The following MTHFS variants were observed in gnomAD, a reference collection of about 807,000 sequenced individuals.
The protein encoded by MTHFS is 5-formyltetrahydrofolate cyclo-ligase.
A neutral mutation model predicts 12.7 loss-of-function variants in MTHFS; 7 were observed. That is an observed-to-expected ratio of 0.55 (90% CI 0.31 to 1.03). MTHFS has a LOEUF of 1.03. MTHFS is among the 50% of genes least tolerant of loss of function. The pLI, the probability that MTHFS is intolerant of heterozygous loss-of-function variation, is 0.05. For missense variants in MTHFS, 252 were observed against 258.1 expected, an observed-to-expected ratio of 0.98 and a Z score of 0.16; for synonymous variants, 100 against 97.1, an observed-to-expected ratio of 1.03 and a Z score of -0.18.
At position 79,845,320 on chromosome 15, in the gene MTHFS, G is replaced by C; in HGVS notation, c.502C>G (p.Pro168Ala). ...TTGAAAGCCAACGCCAGGGTGTAGG[G>C]CTTCACTTCCTGATGCTGCAAACAG... ...KRCLQHQEVKPYTLALAFKEQ... is the reference protein window; with the variant it reads ...KRCLQHQEVKAYTLALAFKEQ... Residue 168 changes from proline (P) to alanine (A), a missense_variant, in exon 3 of 3, where the codon CCC becomes GCC. Transcript: ENST00000258874. The C allele has an allele frequency of 6.2e-7, 1 of 1,614,136 alleles. No homozygotes were observed. Among genetic ancestry groups the C allele is most frequent in the Non-Finnish European group, 8.5e-7 (1 of 1,180,022 alleles).
intron 2 of MTHFS, among the ~76,000 whole-genome samples, chr15:79,872,736 T>A (rs2034128717): frequency 6.6e-6 from 1 of 152,202 alleles, no homozygotes. Context: ...TTGTAAATCG[T>A]CATGGTGCTG....
chr15:79,896,764 G>T (rs967679535), intron 1 of MTHFS, 108 bp downstream of exon 1: 12 of 1,464,522 alleles, frequency 8.2e-6, no homozygotes, highest in East Asian at 2.8e-5. Flanking sequence ...GGGGTGGGGG[G>T]GCGCCTAGCC....
At chr15:79,886,461 C>A (rs2034383723) in intron 2 of MTHFS, among the ~76,000 whole-genome samples, 1 of 151,852 alleles carries the variant, frequency 6.6e-6, no homozygotes, top group African/African-American at 2.4e-5. Flanking sequence ...TATCCCTTTA[C>A]AATCCAGATT....
intron 2 of MTHFS, among the ~76,000 whole-genome samples, chr15:79,887,428 T>C (rs1273034147): frequency 6.6e-6 from 1 of 152,182 alleles, no homozygotes; most frequent in Non-Finnish European, 1.5e-5. Flanking sequence ...GAAGATGTTC[T>C]AGAAGGAGCA....
At chr15:79,848,223 G>A (rs1483398738) in intron 2 of MTHFS, among the ~76,000 whole-genome samples, 1 of 152,216 alleles carries the variant, frequency 6.6e-6, no homozygotes, top group Non-Finnish European at 1.5e-5. Context: ...AAGATATTAT[G>A]CCAAGTGAAA....
In MTHFS at chr15:79,896,670, C is replaced by A. The variant is rs2034575978; in HGVS notation, c.117+202G>T. On this transcript the variant is annotated intron_variant, in intron 1 of 2. Transcript: ENST00000258874. ...AGCCCCACAACTTTCACTACCGGGCCCTCTCCCCGCCATAGTGCCAAGAGC... is the reference window on the plus strand; with the variant it reads ...AGCCCCACAACTTTCACTACCGGGCACTCTCCCCGCCATAGTGCCAAGAGC... 8 of 934,298 alleles carry A rather than the reference C, an allele frequency of 8.6e-6. No individual in the cohort carries two copies. In the Admixed American group the frequency reaches 2.5e-4, roughly 29 times the overall value. 57.9% of individuals were successfully genotyped at this position (934,298 alleles called of 1,614,324 possible).
intron 2 of MTHFS, among the ~76,000 whole-genome samples, chr15:79,887,063 C>T (rs564504136): frequency 1.1e-4 from 17 of 152,212 alleles, no homozygotes; most frequent in African/African-American, 4.1e-4. Context: ...GGTGAAACCC[C>T]ATCTCTATTA....
At chr15:79,875,564 C>T (rs2034179761) in intron 2 of MTHFS, among the ~76,000 whole-genome samples, 1 of 152,082 alleles carries the variant, frequency 6.6e-6, no homozygotes, top group Non-Finnish European at 1.5e-5. Context: ...ATACCATTTA[C>T]AACAATTCAC....
At chr15:79,895,659 C>A (rs575649785) in intron 1 of MTHFS, among the ~76,000 whole-genome samples, 256 of 152,318 alleles carry the variant, frequency 1.7e-3, no homozygotes, top group Non-Finnish European at 2.6e-3. Context: ...TCTGTTTGAA[C>A]GAACGAATTA....
intron 2 of MTHFS, among the ~76,000 whole-genome samples, chr15:79,869,984 T>A (rs77209460): frequency 1.3e-5 from 2 of 152,088 alleles, no homozygotes; most frequent in Non-Finnish European, 2.9e-5. Context: ...TCAAAAAAGA[T>A]AGTTGAAAAT....
In MTHFS at chr15:79,866,488, G is replaced by A. The variant is rs146681259; in HGVS notation, c.380-21046C>T. ...GGCACAACCCCCAAATAAAAAGGGA[G>A]CTGATGTGGATGCTTCTACAATACA... On this transcript the variant is annotated intron_variant, in intron 2 of 2. Transcript: ENST00000258874. 3.6e-4 allele frequency among the ~76,000 whole-genome samples: 55 copies of A among 152,300 alleles called. 1 individual carries two copies. The South Asian group carries it at 4.1e-3, about 11-fold the overall frequency.
At chr15:79,854,041 G>C (rs1393381608) in intron 2 of MTHFS, among the ~76,000 whole-genome samples, 1 of 152,238 alleles carries the variant, frequency 6.6e-6, no homozygotes, top group Non-Finnish European at 1.5e-5. Context: ...GAATGTGAAT[G>C]GTAGTGTAGC....
At chr15:79,851,804 C>T (rs1040491631) in intron 2 of MTHFS, among the ~76,000 whole-genome samples, 2 of 152,080 alleles carry the variant, frequency 1.3e-5, no homozygotes, top group Non-Finnish European at 2.9e-5. Context: ...CCAAAAGATA[C>T]AAATGAGATT....
intron 2 of MTHFS, among the ~76,000 whole-genome samples, chr15:79,850,025 T>C (rs180773872): frequency 6.6e-6 from 1 of 152,380 alleles, no homozygotes; most frequent in Non-Finnish European, 1.5e-5. Context: ...AGGCTATTTC[T>C]TAGCTGTGTG....
chr15:79,872,179 C>T (rs2034118873), intron 2 of MTHFS, among the ~76,000 whole-genome samples: 1 of 147,802 alleles, frequency 6.8e-6, no homozygotes, highest in African/African-American at 2.5e-5. Flanking sequence ...GAGGCCCAAA[C>T]AGAAATCCTG....
intron 2 of MTHFS, among the ~76,000 whole-genome samples, chr15:79,887,956 T>C (rs552966610): frequency 4.6e-5 from 7 of 152,232 alleles, no homozygotes; most frequent in Middle Eastern, 3.4e-3. Context: ...GACTCCATCA[T>C]ACTGACTTTA....
At chr15:79,864,545 AAC>A (rs1436128635) in intron 2 of MTHFS, among the ~76,000 whole-genome samples, 43 of 87,384 alleles carry the variant, frequency 4.9e-4, no homozygotes, top group African/African-American at 1.5e-3. Context: ...ACTCCATCTC[AAC>A]AAAAAAAAAA....
chr15:79,869,573 T>C (rs886908495), intron 2 of MTHFS, among the ~76,000 whole-genome samples: 2 of 152,006 alleles, frequency 1.3e-5, no homozygotes, highest in Non-Finnish European at 2.9e-5. Context: ...CAGCTAAGAC[T>C]ACAGTTGTAT....
At chr15:79,879,793 CAT>C (rs771471066) in intron 2 of MTHFS, among the ~76,000 whole-genome samples, 3 of 152,168 alleles carry the variant, frequency 2.0e-5, no homozygotes, top group South Asian at 4.1e-4. Context: ...TACACACACA[CAT>C]GCACACATAT....
Sources: gnomAD v4.1 joint callset for allele counts (sites outside exome capture counted in the v4.1 genomes callset) on GRCh38, gnomAD v4.1.1 for gene constraint, MANE v1.5 for transcripts, NCBI Gene and HGNC (gene_info 2026-07-23, HGNC 2026-07-21) for gene names.